Variants in OTOGL observed in about 807,000 individuals in gnomAD.
OTOGL encodes otogelin-like protein.
Under a neutral mutation model 318.5 loss-of-function variants are expected in OTOGL, and 285 were observed. The observed-to-expected ratio is 0.89, with a 90% CI of 0.81 to 0.99. The LOEUF (loss-of-function observed/expected upper bound fraction) is 0.99, where lower values mean the gene tolerates loss of function less well. OTOGL is among the 50% of genes least tolerant of loss of function. The pLI, the probability that OTOGL is intolerant of heterozygous loss-of-function variation, is 0.00. For synonymous variants in OTOGL, 987 were observed against 936.5 expected, an observed-to-expected ratio of 1.05 and a Z score of -0.99; for missense variants, 2,899 against 2,845.6, an observed-to-expected ratio of 1.02 and a Z score of -0.43.
intron 46 of OTOGL, among the ~76,000 whole-genome samples, chr12:80,354,528 A>G (rs577413204): frequency 4.7e-4 from 71 of 152,326 alleles, no homozygotes; most frequent in African/African-American, 1.6e-3. Flanking sequence ...GGCAGATGAA[A>G]AAGTGCAAAA....
intron 27 of OTOGL, among the ~76,000 whole-genome samples, chr12:80,300,191 C>T (rs1233730038): frequency 6.7e-6 from 1 of 149,822 alleles, no homozygotes; most frequent in Non-Finnish European, 1.5e-5. Flanking sequence ...TGTTCTGTCT[C>T]GATGTGTCGT....
chr12:80,293,633 A>G (rs982026833), intron 26 of OTOGL, among the ~76,000 whole-genome samples: 2 of 147,900 alleles, frequency 1.4e-5, no homozygotes, highest in Non-Finnish European at 3.0e-5. Context: ...TTCAGTCATC[A>G]TTTCTACTTC....
At chr12:80,377,010 A>G in intron 57 of OTOGL, 113 bp from the exon 58 acceptor site, 2 of 630,054 alleles carry the variant, frequency 3.2e-6, no homozygotes, top group Non-Finnish European at 5.1e-6. Flanking sequence ...CAATACTGGA[A>G]TATATTTTAT....
At chr12:80,332,521 A>G (rs1039174455) in intron 37 of OTOGL, among the ~76,000 whole-genome samples, 2 of 152,172 alleles carry the variant, frequency 1.3e-5, no homozygotes, top group Admixed American at 6.5e-5. Context: ...ACACCCATCA[A>G]CTAGGGCTTC....
At chr12:80,339,298 G>GTTTTTTTTTTTTTT (rs10715159) in intron 43 of OTOGL, 34 bp downstream of exon 43, 112 of 538,082 alleles carry the variant, frequency 2.1e-4, no homozygotes, top group South Asian at 1.1e-3. Context: ...GATTTCGTCT[G>GTTTTTTTTTTTTTT]TTTTTTTTTT....
rs1219061447 is a variant in OTOGL, at chr12:80,266,697, T to G, written c.2390+81T>G. 5 of 1,353,778 alleles carry G rather than the reference T, an allele frequency of 3.7e-6. No homozygotes were observed. The African/African-American group carries it at 7.4e-5, about 20-fold the overall frequency. The allele number at this position is 1,353,778 out of a possible 1,614,324, so 83.9% of individuals were successfully genotyped here. On this transcript the variant is annotated intron_variant, in intron 21 of 58. Coordinates refer to ENST00000547103, the MANE Select transcript of OTOGL (RefSeq NM_001378609.3). ...GGGCTAAATGAGCTTTCATGGAAGT[T>G]TTTGAAAAAAATATTTCTTATTGTC...
chr12:80,157,590 T>C (rs913450804), intron 1 of OTOGL, among the ~76,000 whole-genome samples: 2 of 152,166 alleles, frequency 1.3e-5, no homozygotes, highest in Non-Finnish European at 2.9e-5. Context: ...ATCTATTTTG[T>C]TTAATTTTTG....
In OTOGL at chr12:80,341,715, A is replaced by C. The variant is rs11114410; in HGVS notation, c.5051-233A>C. ...GATCTCTTCATGTATCTTGACTTCT[A>C]GGCTTTTGATTTCTTTCTTACTGGG... is the stretch of plus-strand genomic sequence containing the variant. On this transcript the variant is annotated intron_variant, in intron 43 of 58. Transcript: ENST00000547103. 0.33 allele frequency among the ~76,000 whole-genome samples: 49,724 copies of C among 151,992 alleles called. 8,234 individuals are homozygous for C. The highest frequency in any genetic ancestry group is 0.41 in the Middle Eastern group (120 of 294).
At chr12:80,186,491 T>C (rs576938527) in intron 1 of OTOGL, among the ~76,000 whole-genome samples, 8 of 152,198 alleles carry the variant, frequency 5.3e-5, no homozygotes, top group Non-Finnish European at 1.0e-4. Flanking sequence ...CTAACACATG[T>C]ATCTTCCCCA....
At chr12:80,366,116 G>A (rs2138070161) in intron 52 of OTOGL, among the ~76,000 whole-genome samples, 1 of 152,174 alleles carries the variant, frequency 6.6e-6, no homozygotes, top group South Asian at 2.1e-4. Context: ...GCAGATAAGG[G>A]AAGTGAGGAG....
At chr12:80,368,413 A>C in intron 55 of OTOGL, 104 bp downstream of exon 55, 3 of 663,758 alleles carry the variant, frequency 4.5e-6, no homozygotes, top group Non-Finnish European at 7.8e-6. Context: ...ACTGCATACA[A>C]TAAACACAGT....
intron 52 of OTOGL, among the ~76,000 whole-genome samples, chr12:80,361,429 T>C (rs1450009170): frequency 6.7e-6 from 1 of 149,096 alleles, no homozygotes; most frequent in Non-Finnish European, 1.5e-5. Flanking sequence ...TTGTGAATAG[T>C]GCTGCAGTAA....
At chr12:80,344,099 A>C (rs1247731430) in intron 44 of OTOGL, among the ~76,000 whole-genome samples, 2 of 152,196 alleles carry the variant, frequency 1.3e-5, no homozygotes, top group African/African-American at 2.4e-5. Flanking sequence ...GTGGAACTTC[A>C]GTTTTACATG....
intron 8 of OTOGL, among the ~76,000 whole-genome samples, chr12:80,231,712 A>G (rs1879374191): frequency 6.6e-6 from 1 of 151,914 alleles, no homozygotes; most frequent in Admixed American, 6.6e-5. Context: ...TCAGCTCACC[A>G]CAACCTCTGC....
At chr12:80,315,825 C>T (rs976603735) in intron 32 of OTOGL, among the ~76,000 whole-genome samples, 4 of 152,006 alleles carry the variant, frequency 2.6e-5, no homozygotes, top group Non-Finnish European at 2.9e-5. Context: ...TAAAGAAAAT[C>T]GAACTAAAAT....
At chr12:80,315,901 C>G (rs1886941177) in intron 32 of OTOGL, among the ~76,000 whole-genome samples, 1 of 152,130 alleles carries the variant, frequency 6.6e-6, no homozygotes, top group Non-Finnish European at 1.5e-5. Flanking sequence ...CACACAAACA[C>G]ACACTTCACA....
chr12:80,295,260 T>A (rs78153642), intron 26 of OTOGL, among the ~76,000 whole-genome samples: 4,039 of 146,412 alleles, frequency 0.028, 148 homozygotes, highest in Admixed American at 0.1. Context: ...TACTGCAACT[T>A]CAGCCTCCCA....
intron 18 of OTOGL, 91 bp downstream of exon 18, chr12:80,258,093 G>C (rs1429612502): frequency 8.7e-7 from 1 of 1,144,510 alleles, no homozygotes; most frequent in Non-Finnish European, 1.2e-6. Flanking sequence ...ACTAATAATT[G>C]CTTAGCTGTC....
chr12:80,225,298 T>C (rs1488104771), intron 7 of OTOGL, among the ~76,000 whole-genome samples: 1 of 152,064 alleles, frequency 6.6e-6, no homozygotes, highest in Non-Finnish European at 1.5e-5. Flanking sequence ...TAAAATGTTC[T>C]TGTTCAGTGT....
Sources: allele counts gnomAD v4.1 joint callset (sites outside exome capture counted in the v4.1 genomes callset), GRCh38; gene constraint gnomAD v4.1.1; transcripts MANE v1.5; gene names NCBI Gene and HGNC (gene_info 2026-07-23, HGNC 2026-07-21).